The following FAM222B variants were observed in gnomAD, a reference collection of about 807,000 sequenced individuals.
The protein encoded by FAM222B is protein FAM222B.
FAM222B carries 12 observed loss-of-function variants against 38.0 expected under a neutral mutation model. That is an observed-to-expected ratio of 0.32 (90% CI 0.20 to 0.51). The LOEUF is 0.51. Ranked by LOEUF, FAM222B falls within the 20% of genes least tolerant of loss-of-function variation. The pLI is 0.97. For missense variants in FAM222B, 716 were observed against 754.2 expected (o/e 0.95, Z 0.59); for synonymous variants, 329 against 317.2 (o/e 1.04, Z -0.40).
Position 28,759,367 on chromosome 17 carries a change from G to A in FAM222B, c.592C>T (p.His198Tyr), listed in dbSNP as rs1219781525. 2 of 1,608,574 alleles carry A rather than the reference G, an allele frequency of 1.2e-6. No individual in the cohort carries two copies. Among genetic ancestry groups the A allele is most frequent in the Non-Finnish European group, 8.5e-7 (1 of 1,178,044 alleles). Reference sequence around the variant, plus strand: ...TGGGTTTGGGCCATGGGCTGAGGGTGGCCCAGGCCCTGAGGCTGCTGGAGG... The same window carrying A: ...TGGGTTTGGGCCATGGGCTGAGGGTAGCCCAGGCCCTGAGGCTGCTGGAGG... ...QSLQQPQGLG[H>Y]PQPMAQTQGL... Residue 198 changes from histidine to tyrosine, a missense_variant, in exon 3 of 3, where the codon CAC becomes TAC. His to Tyr is a moderately conservative substitution (Grantham distance 83). Coordinates refer to ENST00000581407, the MANE Select transcript of FAM222B (RefSeq NM_001077498.3). The surrounding 1 kb of genome is among the most constrained non-coding windows in gnomAD (Gnocchi z 4.8).
chr17:28,854,435 A>G (rs2039209918), intron 1 of FAM222B, among the ~76,000 whole-genome samples: 1 of 152,212 alleles, frequency 6.6e-6, no homozygotes, highest in Non-Finnish European at 1.5e-5. Context: ...AGTAGACAGT[A>G]GCCAAGGCTT....
chr17:28,820,736 C>G (rs2151943650), intron 1 of FAM222B, among the ~76,000 whole-genome samples: 1 of 151,956 alleles, frequency 6.6e-6, no homozygotes, highest in African/African-American at 2.4e-5. Flanking sequence ...TGGGTTCAAG[C>G]AATTCTCGTG....
At chr17:28,816,242 AC>A (rs2038018563) in intron 1 of FAM222B, among the ~76,000 whole-genome samples, 1 of 152,086 alleles carries the variant, frequency 6.6e-6, no homozygotes, top group African/African-American at 2.4e-5. Flanking sequence ...ATGCCACTGC[AC>A]TCCAGCCTGG....
intron 1 of FAM222B, among the ~76,000 whole-genome samples, chr17:28,853,920 T>A (rs1363408832): frequency 1.3e-5 from 2 of 149,784 alleles, no homozygotes; most frequent in Non-Finnish European, 3.0e-5. Flanking sequence ...ACACCCCCTC[T>A]ACCAAAGTTT....
intron 1 of FAM222B, among the ~76,000 whole-genome samples, chr17:28,798,049 G>C (rs1045105914): frequency 6.6e-6 from 1 of 151,382 alleles, no homozygotes; most frequent in Admixed American, 6.6e-5. Flanking sequence ...AGTGAGACCC[G>C]GTCCCCCAGC....
At chr17:28,786,813 T>C (rs2036430252) in intron 1 of FAM222B, among the ~76,000 whole-genome samples, 1 of 151,816 alleles carries the variant, frequency 6.6e-6, no homozygotes, top group South Asian at 2.1e-4. Flanking sequence ...ACATTGCTAG[T>C]GAAGAGTTTC....
At chr17:28,796,413 T>A (rs561095099) in intron 1 of FAM222B, among the ~76,000 whole-genome samples, 1 of 152,288 alleles carries the variant, frequency 6.6e-6, no homozygotes, top group East Asian at 1.9e-4. Flanking sequence ...AGAAAAATCA[T>A]TAACTGGTGC....
intron 1 of FAM222B, among the ~76,000 whole-genome samples, chr17:28,797,085 C>G (rs1242904900): frequency 1.3e-5 from 2 of 150,230 alleles, no homozygotes; most frequent in Admixed American, 6.7e-5. Flanking sequence ...TCACTGCAAC[C>G]TTCCCCTCCT....
intron 1 of FAM222B, among the ~76,000 whole-genome samples, chr17:28,784,328 T>C (rs1597907006): frequency 6.6e-6 from 1 of 150,966 alleles, no homozygotes; most frequent in African/African-American, 2.4e-5. Flanking sequence ...TTTAAAAAAT[T>C]AGCCAAGTGT....
intron 1 of FAM222B, among the ~76,000 whole-genome samples, chr17:28,806,271 T>C (rs1466401423): frequency 6.6e-6 from 1 of 152,208 alleles, no homozygotes; most frequent in Non-Finnish European, 1.5e-5. Flanking sequence ...AGGAATGAAC[T>C]TTTGTTTTTT....
At chr17:28,838,937 G>A (rs1013676937) in intron 1 of FAM222B, among the ~76,000 whole-genome samples, 2 of 151,962 alleles carry the variant, frequency 1.3e-5, no homozygotes, top group Admixed American at 6.6e-5. Context: ...GGGCATGGTG[G>A]CTCATGCCTG....
intron 1 of FAM222B, among the ~76,000 whole-genome samples, chr17:28,836,216 C>T (rs1174300949): frequency 6.6e-6 from 1 of 151,182 alleles, no homozygotes; most frequent in African/African-American, 2.4e-5. Context: ...TCTCAAACCC[C>T]TGACCTTGTG....
At chr17:28,809,368 A>AAAAAAAAG (rs1555581613) in intron 1 of FAM222B, among the ~76,000 whole-genome samples, 1 of 151,228 alleles carries the variant, frequency 6.6e-6, no homozygotes, top group South Asian at 2.1e-4. Context: ...AAAAAAAAAA[A>AAAAAAAAG]AGAGAGAGAG....
chr17:28,759,043 C>T lies in FAM222B; in HGVS notation c.916G>A (p.Ala306Thr), dbSNP rs775091691. ...SPISRSLLIN[A>T]STRVSTHSVP... is the part of the protein sequence containing the mutation. ...CTGTGGGTCGACACCCGGGTGCTTG[C>T]ATTGATGAGCAGACTGCGACTAATG... The change falls in exon 3 of 3, where the codon GCA becomes ACA. Residue 306 changes from alanine (A) to threonine (T), a missense_variant. By Grantham distance (58) the Ala-to-Thr change is moderately conservative. Coordinates refer to ENST00000581407, the MANE Select transcript of FAM222B (RefSeq NM_001077498.3). The surrounding 1 kb of genome is among the most constrained non-coding windows in gnomAD (Gnocchi z 4.8). 6 of 1,612,646 alleles carry T rather than the reference C, an allele frequency of 3.7e-6. No individual in the cohort carries two copies. Among genetic ancestry groups the T allele is most frequent in the South Asian group, 1.1e-5 (1 of 90,792 alleles).
chr17:28,785,240 C>T (rs762918654), intron 1 of FAM222B, among the ~76,000 whole-genome samples: 1 of 152,134 alleles, frequency 6.6e-6, no homozygotes, highest in Non-Finnish European at 1.5e-5. Context: ...TAAATATTTT[C>T]CAATCTGCAG....
chr17:28,775,298 G>A (rs2035833895), intron 1 of FAM222B, among the ~76,000 whole-genome samples: 1 of 151,544 alleles, frequency 6.6e-6, no homozygotes, highest in Non-Finnish European at 1.5e-5. Flanking sequence ...TTTTTTGATG[G>A]GAAAAGGAGG....
At chr17:28,813,375 G>A (rs1274936497) in intron 1 of FAM222B, among the ~76,000 whole-genome samples, 2 of 152,056 alleles carry the variant, frequency 1.3e-5, no homozygotes. Context: ...AAGACAACAT[G>A]AAAAATAAAT....
intron 1 of FAM222B, among the ~76,000 whole-genome samples, chr17:28,784,320 T>A (rs546036494): frequency 2.0e-5 from 3 of 150,954 alleles, no homozygotes; most frequent in South Asian, 2.1e-4. Context: ...TAAAAACTTT[T>A]AAAAAATTAG....
chr17:28,847,311 T>C (rs4795466), upstream of FAM222B, among the ~76,000 whole-genome samples: 1,273 of 151,786 alleles, frequency 8.4e-3, 54 homozygotes, highest in Admixed American at 0.059. Context: ...AATAGTGTAG[T>C]GGGCCGTGCG....
Sources: allele counts gnomAD v4.1 joint callset (sites outside exome capture counted in the v4.1 genomes callset), GRCh38; gene constraint gnomAD v4.1.1; non-coding constraint Gnocchi (gnomAD v3.1); transcripts MANE v1.5; gene names NCBI Gene and HGNC (gene_info 2026-07-23, HGNC 2026-07-21).